NEDD4: variants seen among roughly 807,000 people sequenced by gnomAD.
NEDD4 encodes E3 ubiquitin-protein ligase NEDD4.
NEDD4 carries 99 observed loss-of-function variants against 144.9 expected under a neutral mutation model. The observed-to-expected ratio is 0.68, with a 90% confidence interval of 0.58 to 0.81. NEDD4 has a LOEUF of 0.81. Among genes scored for constraint, NEDD4 ranks in the 30% least tolerant of loss-of-function variants. NEDD4 has a pLI of 0.00. For missense variants in NEDD4, 985 were observed against 1,065.9 expected, an observed-to-expected ratio of 0.92 and a Z score of 1.06; for synonymous variants, 318 against 350.6, an observed-to-expected ratio of 0.91 and a Z score of 1.04.
chr15:55,936,862 G>A (rs936636181), intron 4 of NEDD4, among the ~76,000 whole-genome samples: 7 of 150,604 alleles, frequency 4.6e-5, no homozygotes, highest in African/African-American at 1.7e-4. Context: ...GTGTGAACTC[G>A]GCTCACTGCA....
intron 6 of NEDD4, among the ~76,000 whole-genome samples, chr15:55,873,599 CT>C (rs1187080710): frequency 1.3e-5 from 2 of 152,108 alleles, no homozygotes; most frequent in African/African-American, 4.8e-5. Flanking sequence ...AGTCCTGATT[CT>C]TAGTGTTTTA....
intron 1 of NEDD4, among the ~76,000 whole-genome samples, chr15:55,982,275 T>C (rs2037816130): frequency 6.6e-6 from 1 of 152,220 alleles, no homozygotes. Flanking sequence ...CCTAGGTATT[T>C]ACACAAGAGA....
intron 5 of NEDD4, among the ~76,000 whole-genome samples, chr15:55,904,439 ATTACAGGC>A (rs2036019533): frequency 6.6e-6 from 1 of 151,854 alleles, no homozygotes. Context: ...AGTAGCTGGG[ATTACAGGC>A]GTGCACCAAC....
chr15:55,964,883 G>A (rs1261475509), intron 2 of NEDD4, among the ~76,000 whole-genome samples: 2 of 151,940 alleles, frequency 1.3e-5, no homozygotes, highest in East Asian at 1.9e-4. Flanking sequence ...GCCCTCCCTC[G>A]GAAGTGAGTG....
At chr15:55,912,910 A>G (rs925862913) in intron 5 of NEDD4, among the ~76,000 whole-genome samples, 2 of 152,118 alleles carry the variant, frequency 1.3e-5, no homozygotes, top group Non-Finnish European at 2.9e-5. Flanking sequence ...ATGGAGATAG[A>G]CTACAAAGTC....
intron 24 of NEDD4, among the ~76,000 whole-genome samples, chr15:55,837,521 C>A (rs1158377852): frequency 2.0e-5 from 3 of 151,564 alleles, no homozygotes; most frequent in African/African-American, 7.3e-5. Context: ...GTTATACTAT[C>A]CCTAAAGCAC....
chr15:55,915,957 G>A (rs1218724919), intron 5 of NEDD4: 2 of 1,613,730 alleles, frequency 1.2e-6, no homozygotes, highest in Non-Finnish European at 1.7e-6. Flanking sequence ...AGTTTGATAG[G>A]ATCCTTTGCT....
intron 2 of NEDD4, among the ~76,000 whole-genome samples, chr15:55,959,686 G>A (rs1159850882): frequency 6.6e-6 from 1 of 152,188 alleles, no homozygotes; most frequent in African/African-American, 2.4e-5. Context: ...TGCTAGCTTT[G>A]AAGAAGCAAA....
At chr15:55,848,908 A>G in intron 14 of NEDD4, 22 bp from the exon 15 acceptor site, 1 of 1,564,216 alleles carries the variant, frequency 6.4e-7, no homozygotes, top group Non-Finnish European at 8.8e-7. Flanking sequence ...GAGTAAATAA[A>G]GAACAATACA....
At chr15:55,924,928 T>C (rs2036634885) in intron 4 of NEDD4, among the ~76,000 whole-genome samples, 1 of 151,954 alleles carries the variant, frequency 6.6e-6, no homozygotes, top group Non-Finnish European at 1.5e-5. Flanking sequence ...ATGAGCCAGG[T>C]ATGGTGGCAT....
intron 1 of NEDD4, among the ~76,000 whole-genome samples, chr15:55,979,058 T>C (rs1442556955): frequency 1.3e-5 from 2 of 148,716 alleles, no homozygotes; most frequent in Non-Finnish European, 3.0e-5. Context: ...CTAGTAAGTC[T>C]ATTTTTAAAA....
chr15:55,964,692 G>GGTGT (rs58177503), intron 2 of NEDD4, among the ~76,000 whole-genome samples: 3,039 of 137,184 alleles, frequency 0.022, 39 homozygotes, highest in Non-Finnish European at 0.028. Flanking sequence ...TTTTGCTGCT[G>GGTGT]GTGTGTGTGT....
rs564742868 is a variant in NEDD4 at position 55,897,042 on chromosome 15, T to C, written c.292-23034A>G. Among the ~76,000 whole-genome samples, 32 of 152,244 alleles carry C rather than the reference T, an allele frequency of 2.1e-4. No individual in the cohort carries two copies. In the East Asian group the frequency reaches 5.4e-3, roughly 26 times the overall value. The stretch of plus-strand genomic sequence containing the variant: ...AGACCGGAGTGCAGTGGCACAATCT[T>C]GGCTCACTGCAAGCTCCACCTCCCA... On this transcript the variant is annotated intron_variant, in intron 5 of 28. Coordinates refer to ENST00000435532, the MANE Select transcript of NEDD4 (RefSeq NM_006154.4).
At chr15:55,973,509 A>T (rs2037647427) in intron 1 of NEDD4, among the ~76,000 whole-genome samples, 1 of 152,226 alleles carries the variant, frequency 6.6e-6, no homozygotes, top group African/African-American at 2.4e-5. Flanking sequence ...ACTGCAGTCC[A>T]GCCTGGTCAA....
intron 2 of NEDD4, among the ~76,000 whole-genome samples, chr15:55,955,623 ATT>A (rs1461858255): frequency 6.6e-6 from 1 of 151,838 alleles, no homozygotes; most frequent in Non-Finnish European, 1.5e-5. Context: ...ATTAATCCAT[ATT>A]GTCACATGAA....
chr15:55,873,944 A>G lies in NEDD4; in HGVS notation c.342+14T>C, dbSNP rs1168064258. The G allele has an allele frequency of 6.9e-7, 1 of 1,455,586 alleles. No individual in the cohort carries two copies. The highest frequency in any genetic ancestry group is 1.5e-5 in the South Asian group (1 of 66,780). The allele number at this position is 1,455,586 out of a possible 1,614,324, so 90.2% of individuals were successfully genotyped here. A position where few individuals can be genotyped will look rare whatever the true frequency, so the allele number is the denominator to read the frequency against. On this transcript the variant is annotated intron_variant, in intron 6 of 28. Coordinates refer to ENST00000435532, the MANE Select transcript of NEDD4 (RefSeq NM_006154.4). ...AATAAGCCCAAAAGGAAAATCATGG[A>G]CACCTATACCAACCGGTAATGGATA...
At chr15:55,962,565 T>G (rs970617526) in intron 2 of NEDD4, among the ~76,000 whole-genome samples, 1 of 152,102 alleles carries the variant, frequency 6.6e-6, no homozygotes, top group Non-Finnish European at 1.5e-5. Flanking sequence ...TGCCTCAGCC[T>G]CCTGAGTAGC....
chr15:55,955,274 C>G (rs947678563), intron 2 of NEDD4, among the ~76,000 whole-genome samples: 1 of 152,040 alleles, frequency 6.6e-6, no homozygotes, highest in Non-Finnish European at 1.5e-5. Context: ...CCACCTGCCT[C>G]AGCCTCCCAA....
chr15:55,916,346 G>GT (rs751173711), intron 5 of NEDD4: 12 of 1,614,030 alleles, frequency 7.4e-6, no homozygotes, highest in Admixed American at 3.3e-5. Flanking sequence ...CGTTGCTGCT[G>GT]TAAGACCCAT....
Sources: allele counts gnomAD v4.1 joint callset (sites outside exome capture counted in the v4.1 genomes callset), GRCh38; gene constraint gnomAD v4.1.1; transcripts MANE v1.5; gene names NCBI Gene and HGNC (gene_info 2026-07-23, HGNC 2026-07-21).